ANKRD30B: variants seen among roughly 807,000 people sequenced by gnomAD.
The protein encoded by ANKRD30B is ankyrin repeat domain 30B.
A neutral mutation model predicts 202.2 loss-of-function variants in ANKRD30B; 144 were observed. The ratio of observed to expected loss-of-function variants is 0.71; its 90% CI spans 0.62 to 0.82. The LOEUF (loss-of-function observed/expected upper bound fraction) is 0.82. Among genes scored for constraint, ANKRD30B ranks in the 40% least tolerant of loss-of-function variants. The pLI is 0.00. For synonymous variants in ANKRD30B, 508 were observed against 561.3 expected (o/e 0.91, Z 1.34); for missense variants, 1,487 against 1,669.1 (o/e 0.89, Z 1.90).
intron 14 of ANKRD30B, 22 bp from the exon 15 acceptor site, chr18:14,787,017 A>C: frequency 6.3e-7 from 1 of 1,599,948 alleles, no homozygotes; most frequent in Non-Finnish European, 8.5e-7. Flanking sequence ...TCATGAATAC[A>C]TCTGTGATTA....
chr18:14,888,019 T>C, the ANKRD30B span, among the ~76,000 whole-genome samples: 1 of 152,142 alleles, frequency 6.6e-6, no homozygotes, highest in South Asian at 2.1e-4. Context: ...TATACAAGAT[T>C]TTTGGAAACA....
the ANKRD30B span, among the ~76,000 whole-genome samples, chr18:14,917,192 C>T: frequency 1.3e-5 from 2 of 152,218 alleles, no homozygotes; most frequent in African/African-American, 4.8e-5. Context: ...TCTCCGTCTT[C>T]TGTGCAGCTA....
intron 4 of ANKRD30B, among the ~76,000 whole-genome samples, chr18:14,756,160 G>T (rs1172424575): frequency 6.6e-6 from 1 of 152,114 alleles, no homozygotes; most frequent in African/African-American, 2.4e-5. Flanking sequence ...GCCAGTGATG[G>T]TGAGCATTTT....
chr18:14,924,597 A>C, the ANKRD30B span, among the ~76,000 whole-genome samples: 3 of 152,230 alleles, frequency 2.0e-5, no homozygotes, highest in South Asian at 6.2e-4. Flanking sequence ...GCCGGGGAGC[A>C]CACAGCAGGG....
At chr18:14,849,075 A>G (rs1971776177) in intron 40 of ANKRD30B, 146 bp downstream of exon 40, 3 of 896,046 alleles carry the variant, frequency 3.3e-6, no homozygotes, top group East Asian at 6.9e-5. Flanking sequence ...TTAAATAATA[A>G]AAGTTCTTAA....
At chr18:14,847,670 TACTTATAAACA>T (rs1971708641) in intron 39 of ANKRD30B, among the ~76,000 whole-genome samples, 1 of 151,432 alleles carries the variant, frequency 6.6e-6, no homozygotes, top group Non-Finnish European at 1.5e-5. Context: ...AGAGTTGAGT[TACTTATAAACA>T]GCTTGATCCT....
At position 14,791,391 on chromosome 18, in the gene ANKRD30B, C is replaced by G. The variant is rs1346229016; in HGVS notation, c.1735-10C>G. ...TCATTGAAATTATTTATTGATATTACTTTTAACAGAGTCCCTGTGAGACGG... is the reference window on the plus strand; with the variant it reads ...TCATTGAAATTATTTATTGATATTAGTTTTAACAGAGTCCCTGTGAGACGG... On this transcript the variant is annotated splice_polypyrimidine_tract_variant and intron_variant, in intron 15 of 43. Coordinates refer to ENST00000690538, the MANE Select transcript of ANKRD30B (RefSeq NM_001367607.2). 2.5e-6 allele frequency: 4 copies of G among 1,590,588 alleles called. No homozygotes were observed. Among genetic ancestry groups the G allele is most frequent in the Non-Finnish European group, 1.7e-6 (2 of 1,168,692 alleles).
At chr18:14,935,916 C>T in the ANKRD30B span, among the ~76,000 whole-genome samples, 3,977 of 152,358 alleles carry the variant, frequency 0.026, 85 homozygotes, top group Non-Finnish European at 0.041. Flanking sequence ...GTACACACAG[C>T]TCCTTTCCTT....
chr18:14,782,227 G>T (rs1175061787), intron 11 of ANKRD30B, among the ~76,000 whole-genome samples: 4 of 150,616 alleles, frequency 2.7e-5, no homozygotes, highest in African/African-American at 4.9e-5. Flanking sequence ...GATAAAGTAA[G>T]ATATTTTTAA....
chr18:14,859,859 G>A, the ANKRD30B span, among the ~76,000 whole-genome samples: 1 of 63,220 alleles, frequency 1.6e-5, no homozygotes, highest in African/African-American at 6.4e-5. Context: ...GCGCGGCCAG[G>A]CAGAGGCGCT....
chr18:14,887,329 C>A, the ANKRD30B span, among the ~76,000 whole-genome samples: 1 of 152,042 alleles, frequency 6.6e-6, no homozygotes, highest in African/African-American at 2.4e-5. Flanking sequence ...GTGTTGCCAC[C>A]TTTTGAACAG....
At chr18:14,815,459 A>G (rs1011167220) in intron 30 of ANKRD30B, among the ~76,000 whole-genome samples, 1 of 152,152 alleles carries the variant, frequency 6.6e-6, no homozygotes, top group African/African-American at 2.4e-5. Flanking sequence ...TGGACCTCAG[A>G]CTGAGTAGCA....
the ANKRD30B span, among the ~76,000 whole-genome samples, chr18:14,860,776 C>T: frequency 6.6e-6 from 1 of 151,964 alleles, no homozygotes; most frequent in Non-Finnish European, 1.5e-5. Flanking sequence ...GTGATGTCAG[C>T]TCACTGCAAC....
rs762792279 is a variant in ANKRD30B at position 14,826,693 on chromosome 18, T to TCTCACA, written c.2744-1584_2744-1583insTCACAC. On this transcript the variant is annotated intron_variant, in intron 32 of 43. Coordinates refer to ENST00000690538, the MANE Select transcript of ANKRD30B (RefSeq NM_001367607.2). ...CTCTCTCCCCCTCTCTCTCTCTCTCTCACACACACACACACACACACACAC... is the reference window on the plus strand; with the variant it reads ...CTCTCTCCCCCTCTCTCTCTCTCTCTCTCACACACACACACACACACACACACACAC... Among the ~76,000 whole-genome samples, 558 of 125,036 alleles carry TCTCACA rather than the reference T, an allele frequency of 4.5e-3. 3 individuals carry two copies. The highest frequency in any genetic ancestry group is 7.3e-3 in the South Asian group (24 of 3,288). The allele number at this position is 125,036 out of a possible 152,430, so 82.0% of individuals were successfully genotyped here. A position where few individuals can be genotyped will look rare whatever the true frequency, so the allele number is the denominator to read the frequency against.
intron 15 of ANKRD30B, among the ~76,000 whole-genome samples, chr18:14,790,667 G>T (rs911822253): frequency 5.9e-5 from 9 of 151,976 alleles, no homozygotes; most frequent in African/African-American, 2.2e-4. Flanking sequence ...TTTGTCTTTG[G>T]TTCTGTTTAT....
chr18:14,915,121 AT>A, the ANKRD30B span, among the ~76,000 whole-genome samples: 4 of 152,094 alleles, frequency 2.6e-5, no homozygotes, highest in African/African-American at 9.7e-5. Flanking sequence ...TCCCCCCACT[AT>A]TTCCATCAAG....
Position 14,808,678 on chromosome 18 carries a change from T to G in ANKRD30B, c.2320T>G (p.Cys774Gly). Residue 774 changes from cysteine to glycine, a missense_variant, in exon 26 of 44, where the codon TGT becomes GGT. Physicochemically the swap from Cys to Gly is radical, Grantham distance 159 (BLOSUM62 -3). Around this residue, in one of 6 missense-constraint regions of ANKRD30B, gnomAD observed 218 missense variants for 320.1 expected, o/e 0.68. Coordinates refer to ENST00000690538, the MANE Select transcript of ANKRD30B (RefSeq NM_001367607.2). ...TGTTTCCAAACCCATTTAGCCTACC[T>G]GTGGAAGGAAAGTTTCTCTTCCAAA... ...PDKDGLLKPT[C>G]GRKVSLPNKA... 6.5e-7 allele frequency: 1 copy of G among 1,535,060 alleles called. No homozygotes were observed. Among genetic ancestry groups the G allele is most frequent in the Non-Finnish European group, 8.8e-7 (1 of 1,137,636 alleles).
In ANKRD30B at chr18:14,754,948, CTG is replaced by C. The variant is rs752607478; in HGVS notation, c.563_564del (p.Val188GlyfsTer14). On this transcript the variant is annotated frameshift_variant, in exon 4 of 44. Transcript: ENST00000690538. LOFTEE classifies it high-confidence loss of function. ...GCCATACAGAAAAGAAGCAAGCAAA[CTG>C]TGGAATTTTTACTAACAAAAAATGC... 41 of 1,559,502 alleles carry C rather than the reference CTG, an allele frequency of 2.6e-5. No homozygotes were observed. Among genetic ancestry groups the C allele is most frequent in the South Asian group, 1.1e-4 (9 of 84,152 alleles).
At chr18:14,866,094 A>G in the ANKRD30B span, among the ~76,000 whole-genome samples, 1 of 152,218 alleles carries the variant, frequency 6.6e-6, no homozygotes, top group Non-Finnish European at 1.5e-5. Context: ...GAAGGCCTAG[A>G]GGTTTTCTCT....
Sources: allele counts gnomAD v4.1 joint callset (sites outside exome capture counted in the v4.1 genomes callset), GRCh38; gene constraint gnomAD v4.1.1; regional missense constraint gnomAD v4.1.1; transcripts MANE v1.5; gene names NCBI Gene and HGNC (gene_info 2026-07-23, HGNC 2026-07-21).